MAGI1: variants seen among roughly 807,000 people sequenced by gnomAD.
MAGI1 encodes the protein membrane associated guanylate kinase, WW and PDZ domain containing 1, also known as membrane-associated guanylate kinase, WW and PDZ domain-containing protein 1.
MAGI1 carries 58 observed loss-of-function variants against 139.9 expected under a neutral mutation model. The ratio of observed to expected loss-of-function variants is 0.41; its 90% CI spans 0.34 to 0.52. The LOEUF (loss-of-function observed/expected upper bound fraction) is 0.52, where lower values mean the gene tolerates loss of function less well. Among genes scored for constraint, MAGI1 ranks in the 20% least tolerant of loss-of-function variants. The probability of loss-of-function intolerance (pLI) is 0.12; values close to 1 mark genes in which losing one functional copy is unlikely to be tolerated. For missense variants in MAGI1, 1,874 were observed against 1,901.6 expected (o/e 0.99, Z 0.27); for synonymous variants, 812 against 737.9 (o/e 1.10, Z -1.63).
intron 2 of MAGI1, among the ~76,000 whole-genome samples, chr3:65,533,650 T>C (rs940741804): frequency 2.0e-5 from 3 of 152,226 alleles, no homozygotes; most frequent in Non-Finnish European, 4.4e-5. Context: ...AAGTGACATG[T>C]AGAATTCTAC....
chr3:65,776,941 GGTTCCAACAAGGAACCT>G (rs1249082259), intron 1 of MAGI1, among the ~76,000 whole-genome samples: 2 of 152,142 alleles, frequency 1.3e-5, no homozygotes, highest in East Asian at 3.9e-4. Flanking sequence ...TTATACTACA[GGTTCCAACAAGGAACCT>G]TCTTCTACCC....
At chr3:65,368,733 T>C (rs1399713035) in intron 18 of MAGI1, among the ~76,000 whole-genome samples, 1 of 152,222 alleles carries the variant, frequency 6.6e-6, no homozygotes, top group African/African-American at 2.4e-5. Flanking sequence ...TTTTTACTAT[T>C]CTAATGCCTT....
intron 1 of MAGI1, among the ~76,000 whole-genome samples, chr3:65,639,001 G>A (rs2084818606): frequency 6.6e-6 from 1 of 151,916 alleles, no homozygotes; most frequent in Non-Finnish European, 1.5e-5. Flanking sequence ...CTCCCGCCTT[G>A]GCCTCCCCAA....
chr3:65,689,621 G>A (rs1559789140), intron 1 of MAGI1, among the ~76,000 whole-genome samples: 1 of 152,092 alleles, frequency 6.6e-6, no homozygotes, highest in African/African-American at 2.4e-5. Flanking sequence ...AAAACTCCTG[G>A]GCTGGTTACA....
chr3:65,634,111 T>C (rs533534665), intron 1 of MAGI1, among the ~76,000 whole-genome samples: 1 of 152,120 alleles, frequency 6.6e-6, no homozygotes, highest in African/African-American at 2.4e-5. Context: ...TACAGAAGTA[T>C]AAACTGAGGC....
At chr3:65,756,260 G>A (rs911955042) in intron 1 of MAGI1, among the ~76,000 whole-genome samples, 1 of 152,038 alleles carries the variant, frequency 6.6e-6, no homozygotes, top group Non-Finnish European at 1.5e-5. Flanking sequence ...ATGGCCAGTG[G>A]GGAAAAAAAT....
intron 4 of MAGI1, among the ~76,000 whole-genome samples, chr3:65,473,071 G>A (rs1240116050): frequency 2.6e-5 from 4 of 152,078 alleles, no homozygotes; most frequent in Non-Finnish European, 5.9e-5. Flanking sequence ...ACGGGGTTGT[G>A]GGGAGGATTA....
chr3:65,460,663 A>C (rs1023197251), intron 5 of MAGI1, among the ~76,000 whole-genome samples: 1 of 152,088 alleles, frequency 6.6e-6, no homozygotes, highest in Non-Finnish European at 1.5e-5. Context: ...TGTCATCTAC[A>C]TTAGGTATTA....
chr3:65,921,919 G>GACACACACACACACACACACACAC (rs35532734), intron 1 of MAGI1, among the ~76,000 whole-genome samples: 6 of 140,842 alleles, frequency 4.3e-5, no homozygotes, highest in African/African-American at 1.6e-4. Flanking sequence ...CCACACACAC[G>GACACACACACACACACACACACAC]ACACACACAC....
At chr3:65,993,474 C>T (rs2066284125) in intron 1 of MAGI1, among the ~76,000 whole-genome samples, 1 of 152,194 alleles carries the variant, frequency 6.6e-6, no homozygotes, top group African/African-American at 2.4e-5. Flanking sequence ...CACAGAGAAA[C>T]ACACTTCACA....
chr3:65,687,148 A>T (rs1350988542), intron 1 of MAGI1, among the ~76,000 whole-genome samples: 1 of 152,196 alleles, frequency 6.6e-6, no homozygotes, highest in African/African-American at 2.4e-5. Context: ...AATCCAAGCT[A>T]TCTTGAGAGG....
At chr3:65,379,695 G>T in intron 16 of MAGI1, 141 bp from the exon 17 acceptor site, 1 of 1,361,246 alleles carries the variant, frequency 7.3e-7, no homozygotes, top group Non-Finnish European at 9.9e-7. Flanking sequence ...CACAATACCT[G>T]GATATACGGA....
At chr3:65,530,126 A>C (rs1049766425) in intron 2 of MAGI1, among the ~76,000 whole-genome samples, 1 of 152,192 alleles carries the variant, frequency 6.6e-6, no homozygotes, top group African/African-American at 2.4e-5. Context: ...CAAATACAGC[A>C]AGCACCTGTA....
chr3:65,457,026 T>C (rs1031089126), intron 5 of MAGI1, among the ~76,000 whole-genome samples: 1 of 152,160 alleles, frequency 6.6e-6, no homozygotes, highest in Non-Finnish European at 1.5e-5. Context: ...TTTTAGCTAT[T>C]CTCTTTCCTT....
intron 1 of MAGI1, among the ~76,000 whole-genome samples, chr3:65,741,990 T>C (rs755596030): frequency 2.6e-5 from 4 of 152,044 alleles, no homozygotes; most frequent in Non-Finnish European, 5.9e-5. Context: ...CTTGACAGAG[T>C]AGGATGTTTG....
chr3:65,407,010 A>G (rs1172171044), intron 12 of MAGI1, among the ~76,000 whole-genome samples: 1 of 152,218 alleles, frequency 6.6e-6, no homozygotes, highest in Non-Finnish European at 1.5e-5. Flanking sequence ...CTATCAATGC[A>G]TAATTCTAAA....
At chr3:65,654,045 T>C (rs981226816) in intron 1 of MAGI1, among the ~76,000 whole-genome samples, 1 of 152,190 alleles carries the variant, frequency 6.6e-6, no homozygotes, top group African/African-American at 2.4e-5. Flanking sequence ...GATGATTAAT[T>C]TGATTCTCAA....
At chr3:65,599,501 T>A (rs1460702024) in intron 2 of MAGI1, among the ~76,000 whole-genome samples, 1 of 152,146 alleles carries the variant, frequency 6.6e-6, no homozygotes, top group African/African-American at 2.4e-5. Context: ...TCAGACTCAC[T>A]AGGTTCCAAC....
rs778233388 is a variant in MAGI1 at position 65,437,250 on chromosome 3, A to G, written c.1271-3T>C. On this transcript the variant is annotated splice_region_variant and splice_polypyrimidine_tract_variant and intron_variant, in intron 9 of 22. Coordinates refer to ENST00000402939, the MANE Select transcript of MAGI1 (RefSeq NM_001033057.2). ...GGCTGAGTGATCTTCTGTCCATTCT[A>G]TGAAAAAGAAAAGAAAGTTTCCTAT... The G allele has an allele frequency of 1.7e-5, 27 of 1,594,222 alleles. No homozygotes were observed. The East Asian group carries it at 2.9e-4, about 17-fold the overall frequency.
Sources: gnomAD v4.1 joint callset for allele counts (sites outside exome capture counted in the v4.1 genomes callset) on GRCh38, gnomAD v4.1.1 for gene constraint, MANE v1.5 for transcripts, NCBI Gene and HGNC (gene_info 2026-07-23, HGNC 2026-07-21) for gene names.